The following DNAH8 variants were observed in gnomAD, a reference collection of about 807,000 sequenced individuals.
The protein encoded by DNAH8 is dynein axonemal heavy chain 8.
A neutral mutation model predicts 562.1 loss-of-function variants in DNAH8; 382 were observed. The ratio of observed to expected loss-of-function variants is 0.68; its 90% confidence interval spans 0.63 to 0.74. The LOEUF (loss-of-function observed/expected upper bound fraction) is 0.74. DNAH8 is among the 30% of genes least tolerant of loss of function. The pLI is 0.00. For missense variants in DNAH8, 5,203 were observed against 5,620.4 expected (o/e 0.93, Z 2.37); for synonymous variants, 1,881 against 1,919.4 (o/e 0.98, Z 0.52).
chr6:38,883,339 A>G lies in DNAH8; in HGVS notation c.8019A>G (p.Gly2673=), dbSNP rs1406053939. The G allele has an allele frequency of 6.2e-7, 1 of 1,610,824 alleles. No individual in the cohort carries two copies. The highest frequency in any genetic ancestry group is 1.3e-5 in the African/African-American group (1 of 74,850). Residue 2673 remains glycine, a synonymous_variant, in exon 55 of 93, where the codon GGA becomes GGG. Transcript: ENST00000327475. ...AKQHKAVLLT[G]EQGTAKTVMV... is the part of the protein sequence containing the mutation. ...GATTGCAGGCTGTTTTGCTCACAGG[A>G]GAGCAGGGAACTGCAAAAACTGTCA...
chr6:38,831,583 C>T (rs1773841682), intron 30 of DNAH8, among the ~76,000 whole-genome samples: 2 of 152,088 alleles, frequency 1.3e-5, no homozygotes, highest in Non-Finnish European at 2.9e-5. Flanking sequence ...AATATATGTT[C>T]CAATCTAAAG....
chr6:38,887,594 C>T (rs977351474), intron 57 of DNAH8, among the ~76,000 whole-genome samples: 1 of 152,044 alleles, frequency 6.6e-6, no homozygotes, highest in Admixed American at 6.6e-5. Context: ...GTAGTCCTAG[C>T]TGCGTGGAAG....
intron 91 of DNAH8, among the ~76,000 whole-genome samples, chr6:39,020,023 G>A (rs1323825777): frequency 6.6e-6 from 1 of 152,190 alleles, no homozygotes; most frequent in Non-Finnish European, 1.5e-5. Context: ...AAAGGTTTGC[G>A]AGAGAGGGGA....
intron 82 of DNAH8, among the ~76,000 whole-genome samples, chr6:38,965,123 A>G (rs1046357029): frequency 6.6e-6 from 1 of 151,556 alleles, no homozygotes; most frequent in African/African-American, 2.4e-5. Flanking sequence ...AATAATGTAT[A>G]ATACATATAT....
At chr6:38,982,507 A>C (rs758382802) in intron 86 of DNAH8, 45 bp downstream of exon 86, 3 of 1,027,778 alleles carry the variant, frequency 2.9e-6, no homozygotes, top group Non-Finnish European at 4.6e-6. Context: ...TGCTCTTCTT[A>C]AATCAGGGTT....
Position 38,842,523 on chromosome 6 carries a change from T to G in DNAH8, c.4604+18T>G. The G allele has an allele frequency of 1.2e-6, 2 of 1,608,090 alleles. No individual in the cohort carries two copies. The highest frequency in any genetic ancestry group is 2.2e-5 in the South Asian group (2 of 89,352). ...CAAAACAGGTGAGTTTCAATGGAATTTTTTATAATGCCTGTCTTCTTAGGA... is the reference window on the plus strand; with the variant it reads ...CAAAACAGGTGAGTTTCAATGGAATGTTTTATAATGCCTGTCTTCTTAGGA... On this transcript the variant is annotated intron_variant, in intron 34 of 92. Transcript: ENST00000327475.
intron 87 of DNAH8, among the ~76,000 whole-genome samples, chr6:38,986,041 C>T (rs1047199120): frequency 5.6e-4 from 85 of 152,190 alleles, no homozygotes; most frequent in African/African-American, 2.0e-3. Context: ...ATTGCTCACC[C>T]TTGTGGGGTG....
intron 91 of DNAH8, among the ~76,000 whole-genome samples, chr6:39,026,069 T>G (rs1351026985): frequency 2.6e-5 from 4 of 152,242 alleles, no homozygotes; most frequent in African/African-American, 9.6e-5. Context: ...GGTTTTCTAT[T>G]TTGGCATTAT....
Position 38,861,949 on chromosome 6 carries a change from GT to G in DNAH8, c.6132-315del, listed in dbSNP as rs10677373. ...AGATATTGGCAAACATGAAAACCAG[GT>G]TTTTTTTTTTTTTTTCTGGAGAGCC... On this transcript the variant is annotated intron_variant, in intron 43 of 92. Coordinates refer to ENST00000327475, the MANE Select transcript of DNAH8 (RefSeq NM_001206927.2). Among the ~76,000 whole-genome samples, 336 of 134,670 alleles carry G rather than the reference GT, an allele frequency of 2.5e-3. 3 individuals are homozygous for G. Among genetic ancestry groups the G allele is most frequent in the African/African-American group, 7.8e-3 (285 of 36,732 alleles). The allele number at this position is 134,670 out of a possible 152,430, so 88.3% of individuals were successfully genotyped here. A position where few individuals can be genotyped will look rare whatever the true frequency, so the allele number is the denominator to read the frequency against.
chr6:38,718,477 C>T (rs1405788832), intron 1 of DNAH8, among the ~76,000 whole-genome samples: 2 of 152,140 alleles, frequency 1.3e-5, no homozygotes, highest in African/African-American at 4.8e-5. Flanking sequence ...GAAAATGCAT[C>T]TCAAATTACA....
At chr6:38,880,256 C>A (rs1279008830) in intron 53 of DNAH8, among the ~76,000 whole-genome samples, 1 of 151,716 alleles carries the variant, frequency 6.6e-6, no homozygotes, top group African/African-American at 2.4e-5. Context: ...TAAAAACACA[C>A]AAACAAAAAT....
intron 82 of DNAH8, among the ~76,000 whole-genome samples, chr6:38,958,275 G>A (rs1762386352): frequency 6.6e-6 from 1 of 151,912 alleles, no homozygotes; most frequent in African/African-American, 2.4e-5. Context: ...AAAGTGCTGG[G>A]ATTACAGGCG....
intron 21 of DNAH8, among the ~76,000 whole-genome samples, chr6:38,801,017 G>A (rs1770733516): frequency 6.6e-6 from 1 of 151,618 alleles, no homozygotes; most frequent in South Asian, 2.1e-4. Flanking sequence ...TTTCTTTATG[G>A]TGTTCTTTGA....
At chr6:38,850,470 C>A (rs1775651757) in intron 38 of DNAH8, 56 bp downstream of exon 38, 1 of 1,491,864 alleles carries the variant, frequency 6.7e-7, no homozygotes, top group Non-Finnish European at 9.2e-7. Flanking sequence ...TGTTTTATCC[C>A]AAACTTACTA....
intron 1 of DNAH8, among the ~76,000 whole-genome samples, 193 bp from the exon 2 acceptor site, chr6:38,722,583 G>GTGT (rs1762844430): frequency 2.0e-5 from 3 of 149,034 alleles, no homozygotes; most frequent in African/African-American, 7.4e-5. Flanking sequence ...GGTGGGTGGG[G>GTGT]GTGTGTGTGT....
chr6:38,717,246 T>C (rs925766935), intron 1 of DNAH8, among the ~76,000 whole-genome samples: 1 of 152,132 alleles, frequency 6.6e-6, no homozygotes, highest in Admixed American at 6.5e-5. Flanking sequence ...GAACAAGTGT[T>C]GATGCCACAT....
At chr6:38,758,968 A>G (rs1766208729) in intron 10 of DNAH8, among the ~76,000 whole-genome samples, 1 of 152,096 alleles carries the variant, frequency 6.6e-6, no homozygotes, top group South Asian at 2.1e-4. Flanking sequence ...CATGTTCATC[A>G]GGGATATTGG....
chr6:38,851,649 A>G lies in DNAH8; in HGVS notation c.5441A>G (p.Gln1814Arg). ...CCAGTTCTCCTGGAAATTCTTGGACAAGCCAGTGATTCCCACACCATACAG... is the reference window on the plus strand; with the variant it reads ...CCAGTTCTCCTGGAAATTCTTGGACGAGCCAGTGATTCCCACACCATACAG... ...SDPVLLEILG[Q>R]ASDSHTIQPH... is the part of the protein sequence containing the mutation. Residue 1814 changes from glutamine to arginine, a missense_variant, in exon 39 of 93, where the codon CAA becomes CGA. Coordinates refer to ENST00000327475, the MANE Select transcript of DNAH8 (RefSeq NM_001206927.2). 5 of 1,611,130 alleles carry G rather than the reference A, an allele frequency of 3.1e-6. No individual in the cohort carries two copies. The highest frequency in any genetic ancestry group is 4.2e-6 in the Non-Finnish European group (5 of 1,178,286).
chr6:38,863,957 TTTATA>T lies in DNAH8; in HGVS notation c.6398_6402del (p.Tyr2133CysfsTer16). On this transcript the variant is annotated frameshift_variant, in exon 45 of 93. Coordinates refer to ENST00000327475, the MANE Select transcript of DNAH8 (RefSeq NM_001206927.2). LOFTEE classifies it high-confidence loss of function. ...GTATTATCAGTGGCAGCACAACAAA[TTTATA>T]TTGTTTTGACAGCAAGAAAAGAAAG... 1 of 1,612,928 alleles carries T rather than the reference TTTATA, an allele frequency of 6.2e-7. No individual in the cohort carries two copies. Among genetic ancestry groups the T allele is most frequent in the Non-Finnish European group, 8.5e-7 (1 of 1,179,734 alleles).
Sources: allele counts gnomAD v4.1 joint callset (sites outside exome capture counted in the v4.1 genomes callset), GRCh38; gene constraint gnomAD v4.1.1; transcripts MANE v1.5; gene names NCBI Gene and HGNC (gene_info 2026-07-23, HGNC 2026-07-21).